Variants in HNF4G observed in about 807,000 individuals in gnomAD.
HNF4G encodes the protein hepatocyte nuclear factor 4-gamma.
In HNF4G, 21 loss-of-function variants were observed where a neutral mutation model predicts 50.9. The observed-to-expected ratio is 0.41, with a 90% CI of 0.29 to 0.59. The LOEUF (loss-of-function observed/expected upper bound fraction) is 0.59, where lower values mean the gene tolerates loss of function less well. HNF4G is among the 20% of genes least tolerant of loss of function. HNF4G has a pLI of 0.26. For synonymous variants in HNF4G, 198 were observed against 185.6 expected (o/e 1.07, Z -0.54); for missense variants, 527 against 559.4 (o/e 0.94, Z 0.58).
chr8:75,527,550 C>T (rs987377322), intron 2 of HNF4G, among the ~76,000 whole-genome samples: 53 of 152,116 alleles, frequency 3.5e-4, no homozygotes, highest in South Asian at 8.3e-4. Context: ...TACACACATC[C>T]TTTTTGTGTT....
At chr8:75,517,866 A>G (rs544348830) in intron 2 of HNF4G, among the ~76,000 whole-genome samples, 91 of 151,770 alleles carry the variant, frequency 6.0e-4, no homozygotes, top group African/African-American at 2.1e-3. Context: ...CTCCTTCCAC[A>G]CTACCTTAGC....
intron 2 of HNF4G, among the ~76,000 whole-genome samples, chr8:75,505,946 T>C (rs184488884): frequency 7.0e-4 from 106 of 152,150 alleles, no homozygotes; most frequent in Non-Finnish European, 1.3e-3. Context: ...AAATTAGAAA[T>C]GACATCTCTA....
intron 2 of HNF4G, among the ~76,000 whole-genome samples, chr8:75,508,781 G>A (rs1434077986): frequency 6.6e-6 from 1 of 152,098 alleles, no homozygotes; most frequent in African/African-American, 2.4e-5. Context: ...AAGGTTAGAG[G>A]GGAAGAGATG....
intron 2 of HNF4G, among the ~76,000 whole-genome samples, chr8:75,508,285 GC>G (rs1218588431): frequency 1.3e-5 from 2 of 151,068 alleles, no homozygotes; most frequent in Admixed American, 1.3e-4. Context: ...CTGGGCACAA[GC>G]CTTGAACAAT....
intron 2 of HNF4G, among the ~76,000 whole-genome samples, chr8:75,502,103 G>A (rs990545933): frequency 6.6e-6 from 1 of 152,014 alleles, no homozygotes; most frequent in Non-Finnish European, 1.5e-5. Context: ...CACCTGCCTC[G>A]GCCTCCCAAA....
chr8:75,410,082 A>T (rs1465343276), intron 1 of HNF4G, among the ~76,000 whole-genome samples: 4 of 151,978 alleles, frequency 2.6e-5, no homozygotes, highest in African/African-American at 9.7e-5. Context: ...ATTTTTTTTT[A>T]AATGTGTCTA....
At chr8:75,418,018 G>A (rs1370288864) in intron 1 of HNF4G, among the ~76,000 whole-genome samples, 3 of 152,060 alleles carry the variant, frequency 2.0e-5, no homozygotes, top group Admixed American at 2.0e-4. Flanking sequence ...TAGTTTGCTA[G>A]GGCCGCCATA....
At chr8:75,533,154 C>T (rs551483873) in intron 2 of HNF4G, among the ~76,000 whole-genome samples, 17 of 152,094 alleles carry the variant, frequency 1.1e-4, no homozygotes, top group Non-Finnish European at 1.6e-4. Flanking sequence ...GTATTTTATT[C>T]ACACTTTCAG....
At position 75,560,430 on chromosome 8, in the gene HNF4G, G is replaced by A; in HGVS notation, c.1210G>A (p.Gly404Ser). The A allele has an allele frequency of 6.2e-7, 1 of 1,613,034 alleles. No individual in the cohort carries two copies. The highest frequency in any genetic ancestry group is 8.5e-7 in the Non-Finnish European group (1 of 1,179,274). ...ATTAACTGGACAAACTATACTTTTAGGTCCCATGTCAACACTGGTTCATGC... is the reference window on the plus strand; with the variant it reads ...ATTAACTGGACAAACTATACTTTTAAGTCCCATGTCAACACTGGTTCATGC... Reference protein sequence around the residue: ...DPLTGQTILLGPMSTLVHADQ... With the variant: ...DPLTGQTILLSPMSTLVHADQ... Residue 404 changes from glycine (G) to serine (S), a missense_variant, in exon 9 of 10, where the codon GGT becomes AGT. By Grantham distance (56) the Gly-to-Ser change is moderately conservative. This residue lies in a region of HNF4G where 308 missense variants were observed against 301.5 expected (regional missense o/e 1.02). Coordinates refer to ENST00000396423, the MANE Select transcript of HNF4G (RefSeq NM_004133.5).
intron 2 of HNF4G, among the ~76,000 whole-genome samples, chr8:75,533,652 C>G (rs1420184412): frequency 6.6e-6 from 1 of 151,814 alleles, no homozygotes; most frequent in Non-Finnish European, 1.5e-5. Flanking sequence ...GAGAAACCAA[C>G]CAACACTATT....
chr8:75,423,821 T>C (rs868069671), intron 1 of HNF4G, among the ~76,000 whole-genome samples: 55 of 115,168 alleles, frequency 4.8e-4, no homozygotes, highest in African/African-American at 1.7e-3. Flanking sequence ...CTTTCTTTTT[T>C]TTTTTTTTTT....
intron 1 of HNF4G, among the ~76,000 whole-genome samples, chr8:75,419,779 G>A (rs1810736280): frequency 6.6e-6 from 1 of 152,222 alleles, no homozygotes; most frequent in Non-Finnish European, 1.5e-5. Context: ...GTGATTAGTT[G>A]TGTTATGGCT....
At chr8:75,417,256 C>T (rs901488585) in intron 1 of HNF4G, among the ~76,000 whole-genome samples, 3 of 152,162 alleles carry the variant, frequency 2.0e-5, no homozygotes, top group African/African-American at 4.8e-5. Flanking sequence ...AAACTCCTGG[C>T]GACAAGTCAT....
At chr8:75,549,866 T>C (rs1585947151) in intron 3 of HNF4G, among the ~76,000 whole-genome samples, 2 of 152,104 alleles carry the variant, frequency 1.3e-5, no homozygotes, top group East Asian at 3.9e-4. Flanking sequence ...GATGTTTGGT[T>C]TTTTGTCCTT....
chr8:75,528,683 C>A (rs2943584), intron 2 of HNF4G, among the ~76,000 whole-genome samples: 28,696 of 152,046 alleles, frequency 0.19, 3,627 homozygotes, highest in African/African-American at 0.37. Context: ...GAGGCAAATT[C>A]ATAGGAAACT....
intron 2 of HNF4G, among the ~76,000 whole-genome samples, chr8:75,494,300 GCACACACACA>G (rs755362411): frequency 0.016 from 1,207 of 77,256 alleles, 18 homozygotes; most frequent in African/African-American, 0.081. Context: ...CTCCCATACA[GCACACACACA>G]CACACACACA....
intron 2 of HNF4G, among the ~76,000 whole-genome samples, chr8:75,508,341 T>C (rs887989459): frequency 6.6e-6 from 1 of 150,790 alleles, no homozygotes; most frequent in African/African-American, 2.4e-5. Flanking sequence ...TCTGTGAGGA[T>C]TGACATGTGG....
chr8:75,542,140 TA>T (rs201044714), intron 1 of HNF4G, among the ~76,000 whole-genome samples: 9 of 149,998 alleles, frequency 6.0e-5, no homozygotes, highest in Non-Finnish European at 8.9e-5. Flanking sequence ...GTCTCTACAA[TA>T]AAAAAAAATA....
At chr8:75,521,682 A>G (rs1404523558) in intron 2 of HNF4G, among the ~76,000 whole-genome samples, 1 of 152,212 alleles carries the variant, frequency 6.6e-6, no homozygotes, top group Non-Finnish European at 1.5e-5. Context: ...TTTACTTGAT[A>G]TATCTTGTTT....
Sources: allele counts gnomAD v4.1 joint callset (sites outside exome capture counted in the v4.1 genomes callset), GRCh38; gene constraint gnomAD v4.1.1; regional missense constraint gnomAD v4.1.1; transcripts MANE v1.5; gene names NCBI Gene and HGNC (gene_info 2026-07-23, HGNC 2026-07-21).